Variants in SUPV3L1 observed in about 807,000 individuals in gnomAD.
The protein encoded by SUPV3L1 is ATP-dependent RNA helicase SUPV3L1, mitochondrial.
SUPV3L1 carries 35 observed loss-of-function variants against 70.0 expected under a neutral mutation model. The observed-to-expected ratio is 0.50, with a 90% CI of 0.38 to 0.66. The LOEUF (loss-of-function observed/expected upper bound fraction) is 0.66. SUPV3L1 is among the 30% of genes least tolerant of loss of function. The pLI, the probability that SUPV3L1 is intolerant of heterozygous loss-of-function variation, is 0.00. For missense variants in SUPV3L1, 777 were observed against 961.5 expected (o/e 0.81, Z 2.54); for synonymous variants, 364 against 341.9 (o/e 1.06, Z -0.71).
At chr10:69,186,679 T>A in intron 3 of SUPV3L1, 129 bp downstream of exon 3, 1 of 719,232 alleles carries the variant, frequency 1.4e-6, no homozygotes, top group Non-Finnish European at 2.3e-6. Flanking sequence ...TGTAAATAAT[T>A]CAGTGCTTTC....
intron 13 of SUPV3L1, 60 bp from the exon 14 acceptor site, chr10:69,207,733 A>T: frequency 6.5e-7 from 1 of 1,535,900 alleles, no homozygotes; most frequent in Admixed American, 2.3e-5. Flanking sequence ...TCTCTTTCTA[A>T]TTATAGACTT....
intron 4 of SUPV3L1, among the ~76,000 whole-genome samples, chr10:69,188,540 C>T (rs1842300602): frequency 6.6e-6 from 1 of 151,776 alleles, no homozygotes; most frequent in Non-Finnish European, 1.5e-5. Context: ...ACTCTGTCAC[C>T]CAGGCTGGAG....
At chr10:69,191,597 T>A in intron 5 of SUPV3L1, 58 bp from the exon 6 acceptor site, 2 of 1,469,882 alleles carry the variant, frequency 1.4e-6, no homozygotes, top group Non-Finnish European at 1.9e-6. Flanking sequence ...CTGTTAAATA[T>A]CCAAAACGTA....
At chr10:69,189,740 G>A (rs535861008) in intron 5 of SUPV3L1, among the ~76,000 whole-genome samples, 12 of 147,710 alleles carry the variant, frequency 8.1e-5, no homozygotes, top group African/African-American at 3.0e-4. Flanking sequence ...TCCGCCTCTC[G>A]GGTTCATGCC....
At chr10:69,203,756 T>C (rs1352216075) in intron 13 of SUPV3L1, among the ~76,000 whole-genome samples, 1 of 151,850 alleles carries the variant, frequency 6.6e-6, no homozygotes, top group Non-Finnish European at 1.5e-5. Context: ...GGCAGGGTCT[T>C]GCTCTGTTGC....
intron 13 of SUPV3L1, among the ~76,000 whole-genome samples, chr10:69,204,763 C>G (rs544924723): frequency 1.0e-3 from 152 of 150,920 alleles, no homozygotes; most frequent in African/African-American, 3.4e-3. Context: ...GTGCATTTCC[C>G]CATAAAAAAT....
At chr10:69,204,014 C>T (rs767951477) in intron 13 of SUPV3L1, among the ~76,000 whole-genome samples, 9 of 152,086 alleles carry the variant, frequency 5.9e-5, no homozygotes, top group African/African-American at 2.2e-4. Flanking sequence ...CATGAGCCAC[C>T]TAGTCCAGCC....
At chr10:69,183,939 C>T (rs1842141249) in intron 1 of SUPV3L1, among the ~76,000 whole-genome samples, 1 of 149,316 alleles carries the variant, frequency 6.7e-6, no homozygotes, top group Non-Finnish European at 1.5e-5. Flanking sequence ...TGTTGATTTG[C>T]CTGTTTTGTG....
rs1440680335 is a variant in SUPV3L1, at chr10:69,202,945, T to C, written c.1678T>C (p.Leu560=). The C allele has an allele frequency of 3.1e-6, 5 of 1,614,130 alleles. No homozygotes were observed. Among genetic ancestry groups the C allele is most frequent in the East Asian group, 4.5e-5 (2 of 44,864 alleles). The part of the protein sequence containing the change: ...NMDDFKFSAE[L]IQHIPLSLRV... ...GGATGATTTTAAATTTTCTGCAGAGTTGATCCAGCATATTCCACTAAGTCT... is the reference window on the plus strand; with the variant it reads ...GGATGATTTTAAATTTTCTGCAGAGCTGATCCAGCATATTCCACTAAGTCT... The change falls in exon 13 of 15, where the codon TTG becomes CTG. Residue 560 remains leucine, a synonymous_variant. Coordinates refer to ENST00000359655, the MANE Select transcript of SUPV3L1 (RefSeq NM_003171.5).
chr10:69,188,697 C>T (rs1018569411), intron 4 of SUPV3L1, among the ~76,000 whole-genome samples: 20 of 152,036 alleles, frequency 1.3e-4, no homozygotes, highest in African/African-American at 4.8e-4. Flanking sequence ...CGGGGGCTCA[C>T]CATGTTGGCC....
chr10:69,191,825 A>G (rs1345395958), intron 6 of SUPV3L1, 59 bp downstream of exon 6: 64 of 1,162,550 alleles, frequency 5.5e-5, no homozygotes, highest in Non-Finnish European at 7.3e-5. Flanking sequence ...TTTTTTTTTC[A>G]AGACAGAGTC....
Position 69,208,898 on chromosome 10 carries a change from C to T in SUPV3L1, c.2224C>T (p.Leu742Phe). The T allele has an allele frequency of 6.2e-7, 1 of 1,614,064 alleles. No individual in the cohort carries two copies. Among genetic ancestry groups the T allele is most frequent in the Admixed American group, 1.7e-5 (1 of 59,998 alleles). The change falls in exon 15 of 15, where the codon CTC becomes TTC. Residue 742 changes from leucine to phenylalanine, a missense_variant. Leu to Phe is a conservative substitution (Grantham distance 22). Coordinates refer to ENST00000359655, the MANE Select transcript of SUPV3L1 (RefSeq NM_003171.5). ...TGCTTCCAGATTGGTGCAGCAAGGACTCCTCACTCCAGACATGCTGAAACA... is the reference window on the plus strand; with the variant it reads ...TGCTTCCAGATTGGTGCAGCAAGGATTCCTCACTCCAGACATGCTGAAACA... ...SLASRLVQQGLLTPDMLKQLE... is the reference protein window; with the variant it reads ...SLASRLVQQGFLTPDMLKQLE...
chr10:69,197,354 G>A (rs755705932), intron 8 of SUPV3L1, among the ~76,000 whole-genome samples: 37 of 152,100 alleles, frequency 2.4e-4, no homozygotes, highest in Non-Finnish European at 4.9e-4. Context: ...AGATCTCTTC[G>A]AATTAAATAA....
rs369011997 is a variant in SUPV3L1 at position 69,200,570 on chromosome 10, ACT to A, written c.1518+75_1518+76del. On this transcript the variant is annotated intron_variant, in intron 11 of 14. Transcript: ENST00000359655. ...ATTCTTTCCCTCACCCACCATCCAG[ACT>A]CTCACCTCAGACACATTTCTGGATA... 1.4e-3 allele frequency: 1,857 copies of A among 1,301,202 alleles called. 23 individuals carry two copies. The African/African-American group carries it at 0.025, about 17-fold the overall frequency. 80.6% of individuals were successfully genotyped at this position (1,301,202 alleles called of 1,614,324 possible).
In SUPV3L1 at chr10:69,191,860, G is replaced by A. The variant is rs1663992580; in HGVS notation, c.853+94G>A. ...CTTGCTCTGTTGTCCAGGCTGGAAT[G>A]CAATGGTACTATCTCGGCTCACTGC... On this transcript the variant is annotated intron_variant, in intron 6 of 14. Coordinates refer to ENST00000359655, the MANE Select transcript of SUPV3L1 (RefSeq NM_003171.5). The A allele has an allele frequency of 3.3e-6, 3 of 897,734 alleles. No individual in the cohort carries two copies. The Admixed American group carries it at 7.3e-5, about 22-fold the overall frequency. 55.6% of individuals were successfully genotyped at this position (897,734 alleles called of 1,614,324 possible). A position where few individuals can be genotyped will look rare whatever the true frequency, so the allele number is the denominator to read the frequency against.
In SUPV3L1 at chr10:69,180,237, A is replaced by G. The variant is rs1481306625; in HGVS notation, c.-55A>G. 7 of 1,570,318 alleles carry G rather than the reference A, an allele frequency of 4.5e-6. No individual in the cohort carries two copies. The highest frequency in any genetic ancestry group is 6.0e-6 in the Non-Finnish European group (7 of 1,158,316). On this transcript the variant is annotated 5_prime_UTR_variant, in exon 1 of 15. Transcript: ENST00000359655. ...ACAGCAGGCGCTGGAGGTGCGCGTC[A>G]CTGTCCGCCGCCGTGTCCGCGGCTG...
At chr10:69,197,124 A>G in intron 8 of SUPV3L1, 41 bp downstream of exon 8, 1 of 1,575,564 alleles carries the variant, frequency 6.3e-7, no homozygotes. Context: ...GGCATATCAA[A>G]TAGTCCAGAG....
intron 7 of SUPV3L1, 116 bp downstream of exon 7, chr10:69,195,381 CAA>C (rs1457242391): frequency 1.8e-6 from 1 of 566,296 alleles, no homozygotes; most frequent in Non-Finnish European, 2.8e-6. Context: ...CTTTTTGACA[CAA>C]AAAAGTAAAC....
chr10:69,206,283 G>A (rs1412670407), intron 13 of SUPV3L1, among the ~76,000 whole-genome samples: 1 of 152,174 alleles, frequency 6.6e-6, no homozygotes, highest in Non-Finnish European at 1.5e-5. Context: ...TAACAAAATT[G>A]TGGCATTATT....
Sources: gnomAD v4.1 joint callset for allele counts (sites outside exome capture counted in the v4.1 genomes callset) on GRCh38, gnomAD v4.1.1 for gene constraint, MANE v1.5 for transcripts, NCBI Gene and HGNC (gene_info 2026-07-23, HGNC 2026-07-21) for gene names.